Variants in DGKG observed in about 807,000 individuals in gnomAD.
DGKG encodes diacylglycerol kinase gamma, also known as DAG kinase gamma.
DGKG carries 78 observed loss-of-function variants against 105.3 expected under a neutral mutation model. The ratio of observed to expected loss-of-function variants is 0.74; its 90% CI spans 0.62 to 0.89. The LOEUF is 0.89. Ranked by LOEUF, DGKG falls within the 40% of genes least tolerant of loss-of-function variation. DGKG has a pLI of 0.00. For synonymous variants in DGKG, 346 were observed against 367.1 expected (o/e 0.94, Z 0.66); for missense variants, 958 against 1,020.1 (o/e 0.94, Z 0.83).
intron 9 of DGKG, among the ~76,000 whole-genome samples, chr3:186,276,218 T>A (rs913785688): frequency 5.9e-5 from 9 of 152,214 alleles, no homozygotes; most frequent in African/African-American, 2.2e-4. Flanking sequence ...ATCCGTCTGA[T>A]GTAATGTTAG....
At chr3:186,326,877 G>C (rs1232188763) in intron 1 of DGKG, among the ~76,000 whole-genome samples, 1 of 152,140 alleles carries the variant, frequency 6.6e-6, no homozygotes, top group African/African-American at 2.4e-5. Context: ...GATATATTCA[G>C]CCAGGCGTTG....
rs761377856 is a variant in DGKG at position 186,265,225 on chromosome 3, G to A, written c.1269+22C>T. 12 of 1,613,370 alleles carry A rather than the reference G, an allele frequency of 7.4e-6. No homozygotes were observed. In the South Asian group the frequency reaches 7.7e-5, roughly 10 times the overall value. On this transcript the variant is annotated intron_variant, in intron 14 of 24. Transcript: ENST00000265022. ...CTGGAACAACTTAGAAGGTGCAATC[G>A]GATTTAGAGCTCATGAGGTACCTGC...
intron 24 of DGKG, among the ~76,000 whole-genome samples, chr3:186,155,232 G>A (rs971144732): frequency 6.6e-6 from 1 of 152,012 alleles, no homozygotes; most frequent in Non-Finnish European, 1.5e-5. Context: ...TCGCACTGTC[G>A]CCTGGGCTGG....
chr3:186,238,845 A>G (rs534781965), intron 20 of DGKG, among the ~76,000 whole-genome samples: 141 of 152,222 alleles, frequency 9.3e-4, no homozygotes, highest in African/African-American at 3.3e-3. Context: ...GGAACCCACT[A>G]TCTTCCCTGG....
intron 22 of DGKG, among the ~76,000 whole-genome samples, chr3:186,167,958 G>T (rs1013568883): frequency 6.6e-6 from 1 of 152,228 alleles, no homozygotes; most frequent in Non-Finnish European, 1.5e-5. Flanking sequence ...AAGGAAGCCT[G>T]AGTGACTGAT....
At chr3:186,334,241 A>G (rs1291785490) in intron 1 of DGKG, among the ~76,000 whole-genome samples, 1 of 152,184 alleles carries the variant, frequency 6.6e-6, no homozygotes, top group African/African-American at 2.4e-5. Context: ...AAACTGAGCA[A>G]TCATTCAAAC....
At chr3:186,234,931 G>C (rs17361681) in intron 20 of DGKG, among the ~76,000 whole-genome samples, 33,776 of 152,008 alleles carry the variant, frequency 0.22, 3,812 homozygotes, top group Middle Eastern at 0.29. Flanking sequence ...GATGATCCAC[G>C]TGGTTGCTCC....
chr3:186,161,518 T>C, intron 24 of DGKG, 85 bp downstream of exon 24: 1 of 1,602,528 alleles, frequency 6.2e-7, no homozygotes, highest in Non-Finnish European at 8.5e-7. Context: ...GACTCTGAGA[T>C]TCAGTGATTT....
At chr3:186,337,640 A>G (rs1725892980) in intron 1 of DGKG, among the ~76,000 whole-genome samples, 1 of 152,194 alleles carries the variant, frequency 6.6e-6, no homozygotes, top group South Asian at 2.1e-4. Context: ...ATTAAATAAG[A>G]CAAAATTAGA....
At position 186,317,038 on chromosome 3, in the gene DGKG, G is replaced by A. The variant is rs138983482; in HGVS notation, c.67+3355C>T. ...CCCGCGACATGGACAACACGAGCAA[G>A]GGTCAGAGAAGGACAAAGGTAAATG... On this transcript the variant is annotated intron_variant, in intron 2 of 24. Coordinates refer to ENST00000265022, the MANE Select transcript of DGKG (RefSeq NM_001346.3). Among the ~76,000 whole-genome samples, 85 of 152,328 alleles carry A rather than the reference G, an allele frequency of 5.6e-4. 1 individual carries two copies. The highest frequency in any genetic ancestry group is 1.8e-3 in the African/African-American group (75 of 41,580).
chr3:186,261,358 T>A (rs1419588939), intron 15 of DGKG, among the ~76,000 whole-genome samples: 1 of 152,104 alleles, frequency 6.6e-6, no homozygotes, highest in Admixed American at 6.5e-5. Flanking sequence ...CTGCCCATCA[T>A]CTCTTAAATC....
At chr3:186,317,122 T>C (rs1253573414) in intron 2 of DGKG, among the ~76,000 whole-genome samples, 1 of 152,208 alleles carries the variant, frequency 6.6e-6, no homozygotes, top group Non-Finnish European at 1.5e-5. Context: ...CTGGTTCCTT[T>C]TCATCCCTCC....
intron 19 of DGKG, among the ~76,000 whole-genome samples, chr3:186,244,861 C>T (rs1465687466): frequency 6.6e-6 from 1 of 152,162 alleles, no homozygotes; most frequent in Non-Finnish European, 1.5e-5. Flanking sequence ...ACTTCATGCT[C>T]CCAGACTGTA....
Position 186,314,173 on chromosome 3 carries a change from G to GCACACACA in DGKG, c.67+6212_67+6219dup, listed in dbSNP as rs3221277. 1.9e-4 allele frequency among the ~76,000 whole-genome samples: 26 copies of GCACACACA among 139,574 alleles called. No individual in the cohort carries two copies. The East Asian group carries it at 5.1e-3, about 27-fold the overall frequency. 91.6% of individuals were successfully genotyped at this position (139,574 alleles called of 152,430 possible). ...TAATTTAATTGACATATACATATCT[G>GCACACACA]CACACACACACACACACACACACAC... On this transcript the variant is annotated intron_variant, in intron 2 of 24. Coordinates refer to ENST00000265022, the MANE Select transcript of DGKG (RefSeq NM_001346.3).
chr3:186,341,863 G>A (rs1185961348), intron 1 of DGKG, among the ~76,000 whole-genome samples: 1 of 152,156 alleles, frequency 6.6e-6, no homozygotes, highest in Non-Finnish European at 1.5e-5. Context: ...CATGTCCTTT[G>A]TAGGGACATG....
chr3:186,194,913 G>A (rs571134369), intron 21 of DGKG, among the ~76,000 whole-genome samples: 37 of 151,426 alleles, frequency 2.4e-4, no homozygotes, highest in African/African-American at 8.9e-4. Context: ...AAACCAGCCT[G>A]GCCAACATGG....
intron 24 of DGKG, among the ~76,000 whole-genome samples, chr3:186,153,479 T>A (rs1715872819): frequency 6.6e-6 from 1 of 152,172 alleles, no homozygotes; most frequent in East Asian, 1.9e-4. Flanking sequence ...CCTGGCCAAG[T>A]GCTAAGATCA....
rs1365373598 is a variant in DGKG at position 186,147,636 on chromosome 3, C to A, written c.*2454G>T. On this transcript the variant is annotated 3_prime_UTR_variant, in exon 25 of 25. Transcript: ENST00000265022. ...ATTGCAAGTCCTGTGCACTAGGGTG[C>A]AGCAGGTAAGGGCCATTTTCTGCAC... 26 of 985,320 alleles carry A rather than the reference C, an allele frequency of 2.6e-5. No homozygotes were observed. The highest frequency in any genetic ancestry group is 3.0e-5 in the Non-Finnish European group (25 of 829,930). 61.0% of individuals were successfully genotyped at this position (985,320 alleles called of 1,614,324 possible).
Position 186,361,708 on chromosome 3 carries a change from T to A in DGKG, c.-249+238A>T, listed in dbSNP as rs1184842461. Among the ~76,000 whole-genome samples, 1 of 152,186 alleles carries A rather than the reference T, an allele frequency of 6.6e-6. No individual in the cohort carries two copies. Among genetic ancestry groups the A allele is most frequent in the Non-Finnish European group, 1.5e-5 (1 of 68,030 alleles). ...TTTGAGGCTTGAGGGGGCCTCTCAG[T>A]CGCAGAGAGAGCCGAGCCCCACCCT... is the stretch of plus-strand genomic sequence containing the variant. On this transcript the variant is annotated intron_variant, in intron 1 of 24. Coordinates refer to ENST00000265022, the MANE Select transcript of DGKG (RefSeq NM_001346.3). This position sits in a 1 kb window ranked among gnomAD's most constrained non-coding sequence, Gnocchi z 6.8.
Sources: allele counts gnomAD v4.1 joint callset (sites outside exome capture counted in the v4.1 genomes callset), GRCh38; gene constraint gnomAD v4.1.1; non-coding constraint Gnocchi (gnomAD v3.1); transcripts MANE v1.5; gene names NCBI Gene and HGNC (gene_info 2026-07-23, HGNC 2026-07-21).